The following BACH2 variants were observed in gnomAD, a reference collection of about 807,000 sequenced individuals.
The protein encoded by BACH2 is BACH transcriptional regulator 2.
BACH2 carries 5 observed loss-of-function variants against 61.8 expected under a neutral mutation model. The ratio of observed to expected loss-of-function variants is 0.08; its 90% CI spans 0.04 to 0.17. BACH2 has a LOEUF of 0.17. Ranked by LOEUF, BACH2 falls within the 10% of genes least tolerant of loss-of-function variation. The pLI is 1.00. For missense variants in BACH2, 824 were observed against 1,091.1 expected, an observed-to-expected ratio of 0.76 and a Z score of 3.45; for synonymous variants, 446 against 440.1, an observed-to-expected ratio of 1.01 and a Z score of -0.17.
At chr6:90,292,837 T>G (rs1772224202) in intron 1 of BACH2, among the ~76,000 whole-genome samples, 1 of 152,228 alleles carries the variant, frequency 6.6e-6, no homozygotes, top group Non-Finnish European at 1.5e-5. Context: ...TATTTAAAAA[T>G]CAGGAAATTC....
chr6:90,045,497 C>T lies in BACH2; in HGVS notation c.-12-36641G>A, dbSNP rs75199762. On this transcript the variant is annotated intron_variant, in intron 5 of 8. Transcript: ENST00000257749. The stretch of plus-strand genomic sequence containing the variant: ...CAAATACAACATCTGTAACACTGTA[C>T]GTGCAACTTGTCATCTCTATTGAAG... Among the ~76,000 whole-genome samples the T allele has an allele frequency of 1.9e-4, 29 of 152,290 alleles. No individual in the cohort carries two copies. In the East Asian group the frequency reaches 4.2e-3, roughly 22 times the overall value.
At chr6:90,123,552 C>T (rs1016906205) in intron 4 of BACH2, among the ~76,000 whole-genome samples, 2 of 151,680 alleles carry the variant, frequency 1.3e-5, no homozygotes, top group East Asian at 2.0e-4. Flanking sequence ...GGGCGGATCA[C>T]GAGGTCAGGA....
intron 5 of BACH2, among the ~76,000 whole-genome samples, chr6:90,075,367 C>T (rs1335873178): frequency 6.6e-6 from 1 of 152,124 alleles, no homozygotes; most frequent in African/African-American, 2.4e-5. Flanking sequence ...ATGCCTTTTA[C>T]ACTTAGATAT....
At chr6:90,239,747 TC>T (rs1214058783) in intron 3 of BACH2, among the ~76,000 whole-genome samples, 2 of 150,278 alleles carry the variant, frequency 1.3e-5, no homozygotes, top group East Asian at 4.0e-4. Flanking sequence ...TTTTCTGTTT[TC>T]CCCAAGCTCA....
chr6:90,098,874 C>T (rs898213683), intron 4 of BACH2, among the ~76,000 whole-genome samples: 9 of 152,122 alleles, frequency 5.9e-5, no homozygotes, highest in Admixed American at 2.6e-4. Context: ...CTAGGCCTCT[C>T]CCCAATTCAG....
chr6:90,038,952 A>G (rs1262397073), intron 5 of BACH2, among the ~76,000 whole-genome samples: 2 of 151,948 alleles, frequency 1.3e-5, no homozygotes, highest in Admixed American at 6.5e-5. Flanking sequence ...AGGCAAGAGA[A>G]TCACTTGAAC....
At chr6:90,217,503 G>T (rs533649600) in intron 3 of BACH2, among the ~76,000 whole-genome samples, 35 of 152,088 alleles carry the variant, frequency 2.3e-4, no homozygotes, top group Non-Finnish European at 4.6e-4. Flanking sequence ...GATAATCAGG[G>T]TGACTATTTT....
At chr6:90,111,458 A>C (rs1783167689) in intron 4 of BACH2, among the ~76,000 whole-genome samples, 1 of 152,202 alleles carries the variant, frequency 6.6e-6, no homozygotes, top group Non-Finnish European at 1.5e-5. Context: ...TGCAGGCCCA[A>C]GCCTGCAAGG....
chr6:89,997,018 C>CACAT (rs1776885379), intron 6 of BACH2, among the ~76,000 whole-genome samples: 1 of 150,004 alleles, frequency 6.7e-6, no homozygotes, highest in African/African-American at 2.5e-5. Context: ...CACACACACA[C>CACAT]ACACACACAC....
intron 4 of BACH2, among the ~76,000 whole-genome samples, chr6:90,151,734 A>G (rs1784819576): frequency 2.6e-5 from 4 of 152,252 alleles, no homozygotes. Flanking sequence ...AACAGAAGGC[A>G]TACTCCTAAA....
chr6:90,066,468 G>A (rs979930598), intron 5 of BACH2, among the ~76,000 whole-genome samples: 1 of 152,160 alleles, frequency 6.6e-6, no homozygotes, highest in Non-Finnish European at 1.5e-5. Context: ...TAAGTTTGGT[G>A]GCAGACGGTA....
chr6:90,155,092 T>A (rs912499857), intron 4 of BACH2, among the ~76,000 whole-genome samples: 1 of 152,174 alleles, frequency 6.6e-6, no homozygotes, highest in African/African-American at 2.4e-5. Context: ...ATGGATATAA[T>A]AAGCTCCATG....
chr6:90,078,119 C>A (rs1436489237), intron 5 of BACH2, among the ~76,000 whole-genome samples: 1 of 152,176 alleles, frequency 6.6e-6, no homozygotes, highest in African/African-American at 2.4e-5. Flanking sequence ...TGTTCAGTAA[C>A]CAGAATTATA....
chr6:89,990,193 G>A (rs1776466254), intron 6 of BACH2, among the ~76,000 whole-genome samples: 1 of 152,146 alleles, frequency 6.6e-6, no homozygotes, highest in African/African-American at 2.4e-5. Flanking sequence ...AGCTCCATGT[G>A]GGGAGCTATA....
chr6:90,190,112 T>C (rs1432309539), intron 4 of BACH2, among the ~76,000 whole-genome samples: 1 of 152,148 alleles, frequency 6.6e-6, no homozygotes, highest in Non-Finnish European at 1.5e-5. Context: ...CTCGTCTAAC[T>C]TTTTGTATTT....
In BACH2 at chr6:90,183,346, A is replaced by G. The variant is rs187561943; in HGVS notation, c.-162+23223T>C. 1.8e-3 allele frequency among the ~76,000 whole-genome samples: 275 copies of G among 152,352 alleles called. 8 individuals carry two copies. In the South Asian group the frequency reaches 0.034, roughly 19 times the overall value. ...AGATAGTAACCGAGTTTATGCCTTG[A>G]CCAAATGTCCATATATAACATACAG... is the stretch of plus-strand genomic sequence containing the variant. On this transcript the variant is annotated intron_variant, in intron 4 of 8. Coordinates refer to ENST00000257749, the MANE Select transcript of BACH2 (RefSeq NM_021813.4).
At chr6:90,179,202 G>GT (rs1269953622) in intron 4 of BACH2, among the ~76,000 whole-genome samples, 1 of 151,864 alleles carries the variant, frequency 6.6e-6, no homozygotes, top group Non-Finnish European at 1.5e-5. Context: ...ACTCTAGTGT[G>GT]TATTTCTATA....
intron 4 of BACH2, among the ~76,000 whole-genome samples, chr6:90,165,274 AC>A (rs1398375681): frequency 1.3e-5 from 2 of 152,184 alleles, no homozygotes; most frequent in Non-Finnish European, 2.9e-5. Context: ...CCAATAACAG[AC>A]AAACAGCCAA....
intron 5 of BACH2, among the ~76,000 whole-genome samples, chr6:90,055,453 T>C (rs928159004): frequency 1.3e-5 from 2 of 152,046 alleles, no homozygotes; most frequent in East Asian, 3.9e-4. Context: ...AACAAAGCCT[T>C]CAAGAAATAT....
Sources: gnomAD v4.1 joint callset for allele counts (sites outside exome capture counted in the v4.1 genomes callset) on GRCh38, gnomAD v4.1.1 for gene constraint, MANE v1.5 for transcripts, NCBI Gene and HGNC (gene_info 2026-07-23, HGNC 2026-07-21) for gene names.